Variants in NKAIN3 observed in about 807,000 individuals in gnomAD.
The protein encoded by NKAIN3 is sodium/potassium transporting ATPase interacting 3, also known as sodium/potassium-transporting ATPase subunit beta-1-interacting protein 3.
A neutral mutation model predicts 30.2 loss-of-function variants in NKAIN3; 25 were observed. The ratio of observed to expected loss-of-function variants is 0.83; its 90% CI spans 0.60 to 1.16. The LOEUF (loss-of-function observed/expected upper bound fraction) is 1.16, where lower values mean the gene tolerates loss of function less well. Ranked by LOEUF, NKAIN3 falls within the 50% of genes most tolerant of loss-of-function variation. The pLI is 0.00. For missense variants in NKAIN3, 225 were observed against 254.1 expected (o/e 0.89, Z 0.78); for synonymous variants, 91 against 89.6 (o/e 1.02, Z -0.09).
intron 4 of NKAIN3, among the ~76,000 whole-genome samples, chr8:62,871,367 C>T (rs1820637965): frequency 6.7e-6 from 1 of 148,830 alleles, no homozygotes; most frequent in African/African-American, 2.5e-5. Flanking sequence ...CTTGCCACTG[C>T]ACTCCAACCT....
intron 4 of NKAIN3, among the ~76,000 whole-genome samples, chr8:62,902,734 A>G (rs1298353671): frequency 1.3e-5 from 2 of 152,178 alleles, no homozygotes; most frequent in Admixed American, 6.6e-5. Flanking sequence ...AAATGACCTC[A>G]TAACACTCAG....
intron 4 of NKAIN3, among the ~76,000 whole-genome samples, chr8:62,783,266 A>C (rs1040939364): frequency 2.6e-5 from 4 of 152,120 alleles, no homozygotes; most frequent in Non-Finnish European, 5.9e-5. Flanking sequence ...GAATGGAATT[A>C]ATGCCCTTAT....
At chr8:62,531,074 C>T (rs1040006774) in intron 1 of NKAIN3, among the ~76,000 whole-genome samples, 4 of 152,108 alleles carry the variant, frequency 2.6e-5, no homozygotes, top group Admixed American at 6.6e-5. Context: ...CTGCCCACAT[C>T]GACCTTTCCA....
chr8:62,676,580 C>T (rs918172252), intron 3 of NKAIN3, among the ~76,000 whole-genome samples: 1 of 152,108 alleles, frequency 6.6e-6, no homozygotes, highest in Non-Finnish European at 1.5e-5. Flanking sequence ...AAAACAAAAA[C>T]AAAGTATACT....
intron 1 of NKAIN3, among the ~76,000 whole-genome samples, chr8:62,445,722 G>A (rs981660035): frequency 1.3e-5 from 2 of 151,970 alleles, no homozygotes; most frequent in African/African-American, 4.8e-5. Flanking sequence ...CTCTCCTTAG[G>A]CATTCTGGTT....
intron 5 of NKAIN3, among the ~76,000 whole-genome samples, chr8:62,992,699 G>T (rs892685557): frequency 6.6e-6 from 1 of 151,872 alleles, no homozygotes; most frequent in Non-Finnish European, 1.5e-5. Context: ...GGTTCCAAGG[G>T]CTAGAGGCCA....
chr8:62,494,952 A>C (rs1807188614), intron 1 of NKAIN3, among the ~76,000 whole-genome samples: 1 of 152,062 alleles, frequency 6.6e-6, no homozygotes, highest in Non-Finnish European at 1.5e-5. Flanking sequence ...GCTTTTTCAA[A>C]AAAATGACTC....
At chr8:62,865,159 T>G (rs759638087) in intron 4 of NKAIN3, among the ~76,000 whole-genome samples, 2 of 152,196 alleles carry the variant, frequency 1.3e-5, no homozygotes, top group African/African-American at 4.8e-5. Context: ...GAAACCCTGG[T>G]GCCCTTTTGA....
At chr8:62,680,022 T>C (rs749610802) in intron 3 of NKAIN3, among the ~76,000 whole-genome samples, 2 of 152,148 alleles carry the variant, frequency 1.3e-5, no homozygotes, top group Non-Finnish European at 2.9e-5. Flanking sequence ...GAGGAGAGAT[T>C]GGCAAGATGC....
At chr8:62,681,872 C>T (rs1303982669) in intron 3 of NKAIN3, among the ~76,000 whole-genome samples, 2 of 152,166 alleles carry the variant, frequency 1.3e-5, no homozygotes, top group South Asian at 2.1e-4. Context: ...CTCTCAGAGG[C>T]AGGCTGCCTT....
At chr8:62,319,843 T>A (rs1814808584) in intron 1 of NKAIN3, among the ~76,000 whole-genome samples, 1 of 152,192 alleles carries the variant, frequency 6.6e-6, no homozygotes, top group South Asian at 2.1e-4. Context: ...AGATGTCTAT[T>A]AGGTCTGCTT....
intron 3 of NKAIN3, among the ~76,000 whole-genome samples, chr8:62,629,888 AG>A (rs1198367791): frequency 6.6e-6 from 1 of 152,110 alleles, no homozygotes; most frequent in Non-Finnish European, 1.5e-5. Context: ...ATTTTTTAAA[AG>A]GTGCATACTA....
intron 1 of NKAIN3, among the ~76,000 whole-genome samples, chr8:62,516,269 A>G (rs1807979055): frequency 6.6e-6 from 1 of 152,016 alleles, no homozygotes; most frequent in African/African-American, 2.4e-5. Context: ...TTTTTCTTTA[A>G]TTGGTAGTTT....
At chr8:62,991,291 G>C (rs1824315331) in intron 5 of NKAIN3, among the ~76,000 whole-genome samples, 1 of 152,164 alleles carries the variant, frequency 6.6e-6, no homozygotes, top group African/African-American at 2.4e-5. Flanking sequence ...TAATAGCAGT[G>C]GGTAAGGCTA....
intron 3 of NKAIN3, among the ~76,000 whole-genome samples, chr8:62,624,983 C>T (rs548687820): frequency 1.3e-5 from 2 of 151,880 alleles, no homozygotes; most frequent in Non-Finnish European, 1.5e-5. Context: ...CTTTTTACAT[C>T]GTCTATCTTT....
intron 1 of NKAIN3, among the ~76,000 whole-genome samples, chr8:62,313,338 A>G (rs530587094): frequency 1.3e-5 from 2 of 152,174 alleles, no homozygotes; most frequent in Non-Finnish European, 2.9e-5. Context: ...CATTTAAACA[A>G]TGAAAGTTGT....
intron 1 of NKAIN3, among the ~76,000 whole-genome samples, chr8:62,324,208 G>T (rs1815038247): frequency 6.6e-6 from 1 of 152,034 alleles, no homozygotes; most frequent in African/African-American, 2.4e-5. Context: ...GGATCCAGGG[G>T]AGGTGAAGGG....
In NKAIN3 at chr8:62,970,149, C is replaced by A. The variant is rs1166909142; in HGVS notation, c.*4742C>A. Among the ~76,000 whole-genome samples the A allele has an allele frequency of 6.6e-6, 1 of 151,870 alleles. No individual in the cohort carries two copies. The highest frequency in any genetic ancestry group is 1.5e-5 in the Non-Finnish European group (1 of 67,982). On this transcript the variant is annotated 3_prime_UTR_variant, in exon 7 of 7. Coordinates refer to ENST00000623646, the MANE Select transcript of NKAIN3 (RefSeq NM_001304533.3). The stretch of plus-strand genomic sequence containing the variant: ...CTGAGGGAAGGGAAGATTACTTGAG[C>A]CCAGGAATTAGAGGCTGCAGTGAGT...
At chr8:62,710,352 A>G (rs187528767) in intron 3 of NKAIN3, among the ~76,000 whole-genome samples, 2 of 152,206 alleles carry the variant, frequency 1.3e-5, no homozygotes, top group East Asian at 1.9e-4. Flanking sequence ...GTTGCTGTCT[A>G]TCTCATTTCT....
Sources: allele counts gnomAD v4.1 joint callset (sites outside exome capture counted in the v4.1 genomes callset), GRCh38; gene constraint gnomAD v4.1.1; transcripts MANE v1.5; gene names NCBI Gene and HGNC (gene_info 2026-07-23, HGNC 2026-07-21).